Variants in PDCD11 observed in about 807,000 individuals in gnomAD.
PDCD11 encodes the protein programmed cell death 11.
Under a neutral mutation model 198.9 loss-of-function variants are expected in PDCD11, and 97 were observed. That is an observed-to-expected ratio of 0.49 (90% CI 0.41 to 0.58). The LOEUF is 0.58. Among genes scored for constraint, PDCD11 ranks in the 20% least tolerant of loss-of-function variants. The pLI is 0.00. For synonymous variants in PDCD11, 893 were observed against 918.0 expected, an observed-to-expected ratio of 0.97 and a Z score of 0.49; for missense variants, 2,102 against 2,312.7, an observed-to-expected ratio of 0.91 and a Z score of 1.87.
rs1212310879 is a variant in PDCD11 at position 103,440,547 on chromosome 10, G to A, written c.4406G>A (p.Gly1469Asp). The A allele has an allele frequency of 3.7e-6, 6 of 1,612,380 alleles. No individual in the cohort carries two copies. The highest frequency in any genetic ancestry group is 3.3e-5 in the Admixed American group (2 of 59,962). Residue 1469 changes from glycine (G) to aspartate (D), a missense_variant, in exon 29 of 36, where the codon GGC becomes GAC. Transcript: ENST00000369797. The stretch of plus-strand genomic sequence containing the variant: ...CAGAAGCCACAGGCGCAGAAGCGGG[G>A]CGGGCGGGAGTGCCGGGAGTCTGGG... ...QPQKPQAQKR[G>D]GRECRESGSE...
At chr10:103,399,626 C>T (rs1454235178) in intron 2 of PDCD11, 1 of 152,202 alleles carries the variant, frequency 6.6e-6, no homozygotes. Flanking sequence ...AGGGAACTAA[C>T]ATTTGAGTGT....
chr10:103,440,885 C>T (rs1371172834), intron 30 of PDCD11, 35 bp downstream of exon 30: 2 of 1,463,840 alleles, frequency 1.4e-6, no homozygotes, highest in East Asian at 2.3e-5. Context: ...GAAGGCTGCT[C>T]CAGGCAAGGG....
intron 14 of PDCD11, among the ~76,000 whole-genome samples, 178 bp from the exon 15 acceptor site, chr10:103,418,262 G>C (rs774979920): frequency 2.6e-5 from 4 of 152,168 alleles, no homozygotes; most frequent in Non-Finnish European, 5.9e-5. Context: ...ATGAGTCCTG[G>C]TGAATGTGCA....
intron 21 of PDCD11, among the ~76,000 whole-genome samples, chr10:103,428,189 G>A (rs957954971): frequency 8.6e-5 from 13 of 151,834 alleles, no homozygotes; most frequent in Admixed American, 6.6e-4. Context: ...CTTGTAATCC[G>A]AGCTACTTGG....
In PDCD11 at chr10:103,400,462, G is replaced by C; in HGVS notation, c.168G>C (p.Lys56Asn). ...KSQKGPAKTKKLKIEKRESSK... is the reference protein window; with the variant it reads ...KSQKGPAKTKNLKIEKRESSK... ...AGAAGGGGCCAGCAAAAACAAAAAA[G>C]TTGAAAATCGAAAAGAGAGAAAGCA... Residue 56 changes from lysine to asparagine, a missense_variant, in exon 3 of 36, where the codon AAG (lysine) becomes AAC (asparagine). Lys to Asn is a moderately conservative substitution (Grantham distance 94). Coordinates refer to ENST00000369797, the MANE Select transcript of PDCD11 (RefSeq NM_014976.2). 6.2e-7 allele frequency: 1 copy of C among 1,613,966 alleles called. No homozygotes were observed.
rs763812446 is a variant in PDCD11, at chr10:103,440,560, C to T, written c.4419C>T (p.Cys1473=). Residue 1473 remains cysteine (C), a synonymous_variant, in exon 29 of 36, where the codon TGC becomes TGT. Transcript: ENST00000369797. The stretch of plus-strand genomic sequence containing the variant: ...CGCAGAAGCGGGGCGGGCGGGAGTG[C>T]CGGGAGTCTGGGAGTGAGCAGGTGA... ...PQAQKRGGRE[C]RESGSEQERV... is the part of the protein sequence containing the mutation. 8 of 1,611,370 alleles carry T rather than the reference C, an allele frequency of 5.0e-6. No homozygotes were observed. Among genetic ancestry groups the T allele is most frequent in the South Asian group, 4.4e-5 (4 of 90,940 alleles).
At chr10:103,429,060 T>A (rs1402780227) in intron 21 of PDCD11, among the ~76,000 whole-genome samples, 2 of 152,230 alleles carry the variant, frequency 1.3e-5, no homozygotes, top group Non-Finnish European at 2.9e-5. Context: ...AGTTTTGACT[T>A]AACGGAGGAA....
chr10:103,416,926 C>T (rs1477763196), intron 13 of PDCD11, among the ~76,000 whole-genome samples, 184 bp downstream of exon 13: 1 of 152,164 alleles, frequency 6.6e-6, no homozygotes, highest in Non-Finnish European at 1.5e-5. Context: ...CAGCGGGGTT[C>T]AGCAGAAGCT....
rs562879935 is a variant in PDCD11, at chr10:103,414,403, C to G, written c.1371+73C>G. On this transcript the variant is annotated intron_variant, in intron 11 of 35. Coordinates refer to ENST00000369797, the MANE Select transcript of PDCD11 (RefSeq NM_014976.2). The stretch of plus-strand genomic sequence containing the variant: ...CTTTAGTTCACGCACAGGTGACTGT[C>G]AGCCCGTTAGTCCTCATGTTAACAC... 3.8e-6 allele frequency: 4 copies of G among 1,056,594 alleles called. No homozygotes were observed. The African/African-American group carries it at 6.3e-5, about 17-fold the overall frequency. The allele number at this position is 1,056,594 out of a possible 1,614,324, so 65.5% of individuals were successfully genotyped here.
intron 25 of PDCD11, 22 bp from the exon 26 acceptor site, chr10:103,437,993 C>T (rs770373311): frequency 1.2e-6 from 2 of 1,609,118 alleles, no homozygotes; most frequent in Non-Finnish European, 1.7e-6. Flanking sequence ...TGAGCGTTTC[C>T]TTCTCTTTTG....
chr10:103,423,524 C>T lies in PDCD11; in HGVS notation c.2648-19C>T. Reference sequence around the variant, plus strand: ...ACTCTGTTCCAGAAGGATAATCACACTGTGGTTCTGCACTGCAGGGCAGGA... The same window carrying T: ...ACTCTGTTCCAGAAGGATAATCACATTGTGGTTCTGCACTGCAGGGCAGGA... On this transcript the variant is annotated intron_variant, in intron 18 of 35. Transcript: ENST00000369797. 2 of 1,533,224 alleles carry T rather than the reference C, an allele frequency of 1.3e-6. No individual in the cohort carries two copies. Among genetic ancestry groups the T allele is most frequent in the Non-Finnish European group, 1.8e-6 (2 of 1,106,456 alleles). 95.0% of individuals were successfully genotyped at this position (1,533,224 alleles called of 1,614,324 possible). A position where few individuals can be genotyped will look rare whatever the true frequency, so the allele number is the denominator to read the frequency against.
At chr10:103,429,049 C>T (rs1312517870) in intron 21 of PDCD11, among the ~76,000 whole-genome samples, 1 of 152,182 alleles carries the variant, frequency 6.6e-6, no homozygotes, top group Admixed American at 6.5e-5. Flanking sequence ...ATTTAACTGA[C>T]AGTTTTGACT....
chr10:103,419,513 A>G, intron 15 of PDCD11, 25 bp from the exon 16 acceptor site: 2 of 1,605,694 alleles, frequency 1.2e-6, no homozygotes, highest in Non-Finnish European at 1.7e-6. Flanking sequence ...CCTTTCTGGA[A>G]CATTCCTTGA....
chr10:103,419,799 C>CTT, intron 16 of PDCD11, 91 bp downstream of exon 16: 45 of 1,028,722 alleles, frequency 4.4e-5, no homozygotes, highest in Non-Finnish European at 5.5e-5. Flanking sequence ...TACTTTATTC[C>CTT]TTTTTTTTTT....
At chr10:103,397,043 A>G (rs2093439866) in intron 1 of PDCD11, among the ~76,000 whole-genome samples, 1 of 151,982 alleles carries the variant, frequency 6.6e-6, no homozygotes, top group East Asian at 1.9e-4. Flanking sequence ...TCATATACCC[A>G]TCCCTGATTC....
intron 15 of PDCD11, among the ~76,000 whole-genome samples, chr10:103,419,009 C>T (rs1003988605): frequency 6.6e-6 from 1 of 151,176 alleles, no homozygotes; most frequent in Admixed American, 6.6e-5. Flanking sequence ...CCTATGCCTT[C>T]TCCCCGCGGG....
rs543984066 is a variant in PDCD11 at position 103,423,680 on chromosome 10, A to G, written c.2763+22A>G. 23 of 1,487,952 alleles carry G rather than the reference A, an allele frequency of 1.5e-5. No homozygotes were observed. The East Asian group carries it at 2.9e-4, about 19-fold the overall frequency. The allele number at this position is 1,487,952 out of a possible 1,614,324, so 92.2% of individuals were successfully genotyped here. A position where few individuals can be genotyped will look rare whatever the true frequency, so the allele number is the denominator to read the frequency against. On this transcript the variant is annotated intron_variant, in intron 19 of 35. Coordinates refer to ENST00000369797, the MANE Select transcript of PDCD11 (RefSeq NM_014976.2). ...AAAGGTAAGCTTGCTCCTGACTTCC[A>G]TTTCCATGGTTTCACATGATGTACC...
At chr10:103,404,340 C>T (rs2030308621) in intron 4 of PDCD11, among the ~76,000 whole-genome samples, 1 of 151,806 alleles carries the variant, frequency 6.6e-6, no homozygotes, top group African/African-American at 2.4e-5. Context: ...ACTCTTTAGC[C>T]CAGGCTGGAG....
Position 103,423,083 on chromosome 10 carries a change from A to G in PDCD11, c.2593A>G (p.Ser865Gly). Residue 865 changes from serine (S) to glycine (G), a missense_variant, in exon 18 of 36, where the codon AGT becomes GGT. By Grantham distance (56) the Ser-to-Gly change is moderately conservative. Transcript: ENST00000369797. Reference protein sequence around the residue: ...EVLEDGSVVFSGGPVPDLVLK... With the variant: ...EVLEDGSVVFGGGPVPDLVLK... The stretch of plus-strand genomic sequence containing the variant: ...GTTGGAAGATGGCTCTGTGGTATTC[A>G]GTGGGGGTCCAGTGCCCGACCTGGT... 6.2e-7 allele frequency: 1 copy of G among 1,605,792 alleles called. No individual in the cohort carries two copies. The highest frequency in any genetic ancestry group is 8.5e-7 in the Non-Finnish European group (1 of 1,175,736).
Sources: allele counts gnomAD v4.1 joint callset (sites outside exome capture counted in the v4.1 genomes callset), GRCh38; gene constraint gnomAD v4.1.1; transcripts MANE v1.5; gene names NCBI Gene and HGNC (gene_info 2026-07-23, HGNC 2026-07-21).